The following KIF16B variants were observed in gnomAD, a reference collection of about 807,000 sequenced individuals.
KIF16B encodes kinesin-like protein KIF16B.
KIF16B carries 98 observed loss-of-function variants against 156.3 expected under a neutral mutation model. The ratio of observed to expected loss-of-function variants is 0.63; its 90% CI spans 0.53 to 0.74. KIF16B has a LOEUF of 0.74. Ranked by LOEUF, KIF16B falls within the 30% of genes least tolerant of loss-of-function variation. KIF16B has a pLI of 0.00. For missense variants in KIF16B, 1,421 were observed against 1,606.5 expected, an observed-to-expected ratio of 0.88 and a Z score of 1.97; for synonymous variants, 564 against 583.7, an observed-to-expected ratio of 0.97 and a Z score of 0.49.
intron 12 of KIF16B, among the ~76,000 whole-genome samples, chr20:16,463,066 C>T (rs1246094379): frequency 6.6e-6 from 1 of 152,212 alleles, no homozygotes; most frequent in Non-Finnish European, 1.5e-5. Context: ...TCCAACCAAT[C>T]TTGTGCTCCC....
intron 8 of KIF16B, 30 bp from the exon 9 acceptor site, chr20:16,505,883 A>G (rs2068759728): frequency 6.2e-7 from 1 of 1,609,284 alleles, no homozygotes; most frequent in African/African-American, 1.3e-5. Context: ...AAGGGGAGAA[A>G]GGACAATTAG....
intron 12 of KIF16B, among the ~76,000 whole-genome samples, chr20:16,477,277 A>G (rs1424405765): frequency 6.7e-6 from 1 of 149,862 alleles, no homozygotes; most frequent in Non-Finnish European, 1.5e-5. Flanking sequence ...TCCTTGTTCT[A>G]ACATTCTATG....
At chr20:16,404,588 G>C (rs2065734077) in intron 17 of KIF16B, among the ~76,000 whole-genome samples, 1 of 152,160 alleles carries the variant, frequency 6.6e-6, no homozygotes, top group Non-Finnish European at 1.5e-5. Context: ...ATGCTGTTAA[G>C]CAAAAAATCA....
At chr20:16,366,676 C>T (rs529342604) in intron 22 of KIF16B, among the ~76,000 whole-genome samples, 1 of 152,148 alleles carries the variant, frequency 6.6e-6, no homozygotes, top group Non-Finnish European at 1.5e-5. Flanking sequence ...TGATGCATCA[C>T]TAATGTGCTC....
chr20:16,442,409 T>C (rs1042528384), intron 12 of KIF16B, among the ~76,000 whole-genome samples: 1 of 140,238 alleles, frequency 7.1e-6, no homozygotes, highest in Non-Finnish European at 1.6e-5. Context: ...TGTATATATA[T>C]ACATACATAT....
intron 7 of KIF16B, among the ~76,000 whole-genome samples, chr20:16,506,642 T>C (rs2068786867): frequency 1.3e-5 from 2 of 152,240 alleles, no homozygotes; most frequent in Admixed American, 1.3e-4. Flanking sequence ...GCACAAATTA[T>C]TTCTTTTAAT....
At chr20:16,335,861 G>T in intron 24 of KIF16B, 65 bp downstream of exon 24, 2 of 966,276 alleles carry the variant, frequency 2.1e-6, no homozygotes, top group Non-Finnish European at 3.3e-6. Flanking sequence ...CATTGCTAAT[G>T]CAATCAGCTC....
At chr20:16,383,898 A>C (rs1418036819) in intron 17 of KIF16B, among the ~76,000 whole-genome samples, 2 of 152,186 alleles carry the variant, frequency 1.3e-5, no homozygotes, top group African/African-American at 2.4e-5. Flanking sequence ...TTCGGATGGA[A>C]ACCTACCATC....
chr20:16,299,507 T>C (rs2063440934), intron 25 of KIF16B, among the ~76,000 whole-genome samples: 1 of 152,196 alleles, frequency 6.6e-6, no homozygotes, highest in Non-Finnish European at 1.5e-5. Flanking sequence ...ATTATTTGAT[T>C]TTAAGAACTC....
At chr20:16,404,496 G>A (rs1429596637) in intron 17 of KIF16B, among the ~76,000 whole-genome samples, 2 of 152,158 alleles carry the variant, frequency 1.3e-5, no homozygotes, top group Non-Finnish European at 2.9e-5. Flanking sequence ...CATGCACTAA[G>A]TAATCAAAGT....
intron 15 of KIF16B, among the ~76,000 whole-genome samples, chr20:16,409,201 A>C (rs915619085): frequency 2.6e-5 from 4 of 152,054 alleles, no homozygotes; most frequent in African/African-American, 9.7e-5. Flanking sequence ...GTCTAAAACA[A>C]GCTCTGAGAA....
At chr20:16,444,403 T>C (rs912477855) in intron 12 of KIF16B, among the ~76,000 whole-genome samples, 2 of 152,208 alleles carry the variant, frequency 1.3e-5, no homozygotes, top group Admixed American at 6.5e-5. Context: ...AGAATATTAC[T>C]TCATGATGTG....
chr20:16,296,185 C>G (rs2063383441), intron 25 of KIF16B, among the ~76,000 whole-genome samples: 1 of 152,230 alleles, frequency 6.6e-6, no homozygotes, highest in Non-Finnish European at 1.5e-5. Context: ...AAGCTAACAT[C>G]TGTCTTCGAA....
intron 1 of KIF16B, among the ~76,000 whole-genome samples, chr20:16,561,828 C>A (rs535571530): frequency 1.3e-5 from 2 of 152,266 alleles, no homozygotes; most frequent in Admixed American, 1.3e-4. Flanking sequence ...GAGAACCATT[C>A]TAAAAAATAA....
chr20:16,386,408 C>G (rs115340243), intron 17 of KIF16B, among the ~76,000 whole-genome samples: 1 of 151,870 alleles, frequency 6.6e-6, no homozygotes, highest in African/African-American at 2.4e-5. Flanking sequence ...ACCTTCATGA[C>G]GTGGAGGTTC....
At chr20:16,564,657 G>T (rs1420359167) in intron 1 of KIF16B, among the ~76,000 whole-genome samples, 1 of 137,918 alleles carries the variant, frequency 7.3e-6, no homozygotes, top group Non-Finnish European at 1.5e-5. Flanking sequence ...AAAACTTAAA[G>T]TATAATAAAA....
At chr20:16,533,385 C>A (rs1440449753) in intron 1 of KIF16B, among the ~76,000 whole-genome samples, 2 of 152,258 alleles carry the variant, frequency 1.3e-5, no homozygotes, top group South Asian at 4.2e-4. Context: ...GAATAGGAAC[C>A]TGCATTTTAA....
intron 3 of KIF16B, among the ~76,000 whole-genome samples, chr20:16,517,509 G>C (rs372349165): frequency 6.6e-6 from 1 of 152,212 alleles, no homozygotes; most frequent in Admixed American, 6.5e-5. Flanking sequence ...GCTGAATGGG[G>C]AGAAGTCAGG....
intron 12 of KIF16B, among the ~76,000 whole-genome samples, chr20:16,445,288 T>C (rs2066903048): frequency 6.6e-6 from 1 of 152,112 alleles, no homozygotes. Flanking sequence ...AAATCTATAA[T>C]AAATGCACAC....
Sources: gnomAD v4.1 joint callset for allele counts (sites outside exome capture counted in the v4.1 genomes callset) on GRCh38, gnomAD v4.1.1 for gene constraint, MANE v1.5 for transcripts, NCBI Gene and HGNC (gene_info 2026-07-23, HGNC 2026-07-21) for gene names.